SUCLG2: variants seen among roughly 807,000 people sequenced by gnomAD.
The protein encoded by SUCLG2 is succinate-CoA ligase GDP-forming subunit beta, also known as succinate--CoA ligase [GDP-forming] subunit beta, mitochondrial.
A neutral mutation model predicts 47.9 loss-of-function variants in SUCLG2; 42 were observed. The observed-to-expected ratio is 0.88, with a 90% CI of 0.69 to 1.14. The LOEUF is 1.14. Among genes scored for constraint, SUCLG2 ranks in the 50% most tolerant of loss-of-function variants. The pLI is 0.00. For synonymous variants in SUCLG2, 195 were observed against 197.3 expected, an observed-to-expected ratio of 0.99 and a Z score of 0.10; for missense variants, 571 against 525.9, an observed-to-expected ratio of 1.09 and a Z score of -0.84.
intron 2 of SUCLG2, among the ~76,000 whole-genome samples, chr3:67,539,351 T>C (rs148369046): frequency 1.5e-3 from 233 of 152,328 alleles, no homozygotes; most frequent in African/African-American, 5.3e-3. Flanking sequence ...GTTTATGTGA[T>C]GGATTATGTT....
At chr3:67,511,423 G>A (rs1216590336) in intron 6 of SUCLG2, among the ~76,000 whole-genome samples, 3 of 152,114 alleles carry the variant, frequency 2.0e-5, no homozygotes, top group African/African-American at 7.2e-5. Flanking sequence ...ACTGAATCAT[G>A]GGGACGGGAT....
chr3:67,371,959 T>C (rs529569024), downstream of SUCLG2, among the ~76,000 whole-genome samples: 1 of 152,260 alleles, frequency 6.6e-6, no homozygotes, highest in African/African-American at 2.4e-5. Flanking sequence ...ATAGCACAGG[T>C]AAAGTTCCTG....
chr3:67,427,351 A>G (rs572690640), intron 9 of SUCLG2, among the ~76,000 whole-genome samples: 1 of 152,336 alleles, frequency 6.6e-6, no homozygotes, highest in South Asian at 2.1e-4. Context: ...TTTATTGTTC[A>G]TAGACACAAA....
chr3:67,382,695 A>G (rs1482881353), intron 10 of SUCLG2, among the ~76,000 whole-genome samples: 2 of 152,230 alleles, frequency 1.3e-5, no homozygotes, highest in Non-Finnish European at 1.5e-5. Context: ...AACATAGCCA[A>G]ACTGATTTGC....
At chr3:67,422,132 C>T (rs1703173309) in intron 9 of SUCLG2, among the ~76,000 whole-genome samples, 1 of 151,956 alleles carries the variant, frequency 6.6e-6, no homozygotes, top group African/African-American at 2.4e-5. Flanking sequence ...TTTTCTTTCA[C>T]CCTAAATAGC....
At chr3:67,441,133 A>C (rs558322823) in intron 9 of SUCLG2, among the ~76,000 whole-genome samples, 3 of 152,188 alleles carry the variant, frequency 2.0e-5, no homozygotes, top group Non-Finnish European at 4.4e-5. Context: ...GGAACAGAAA[A>C]CTAAACACTG....
At chr3:67,498,689 A>C (rs1011029434) in intron 7 of SUCLG2, among the ~76,000 whole-genome samples, 1 of 152,166 alleles carries the variant, frequency 6.6e-6, no homozygotes, top group African/African-American at 2.4e-5. Context: ...GAGACTAGAC[A>C]ATATTATTAA....
intron 1 of SUCLG2, among the ~76,000 whole-genome samples, chr3:67,615,674 G>A (rs1700615540): frequency 6.7e-6 from 1 of 148,472 alleles, no homozygotes; most frequent in African/African-American, 2.5e-5. Context: ...TATTGTTGTT[G>A]AAGGTCAGGT....
chr3:67,648,287 C>A (rs1455389339), intron 1 of SUCLG2, among the ~76,000 whole-genome samples: 3 of 152,124 alleles, frequency 2.0e-5, no homozygotes, highest in African/African-American at 7.2e-5. Flanking sequence ...GTTGACAAGA[C>A]CCTGAAGCCA....
At chr3:67,406,974 T>G (rs1033977433) in intron 9 of SUCLG2, among the ~76,000 whole-genome samples, 1 of 152,116 alleles carries the variant, frequency 6.6e-6, no homozygotes, top group Admixed American at 6.5e-5. Context: ...CAGTTAGGAA[T>G]AGCTGGATAA....
At chr3:67,402,793 C>T (rs954228699) in intron 9 of SUCLG2, among the ~76,000 whole-genome samples, 5 of 152,204 alleles carry the variant, frequency 3.3e-5, no homozygotes, top group East Asian at 1.9e-4. Context: ...AGGACAAGTT[C>T]GGATGTCAAC....
At chr3:67,478,240 T>C (rs1349857203) in intron 9 of SUCLG2, among the ~76,000 whole-genome samples, 1 of 152,210 alleles carries the variant, frequency 6.6e-6, no homozygotes, top group Non-Finnish European at 1.5e-5. Context: ...ACGGCCACAA[T>C]TTTATGGAAT....
At chr3:67,460,111 GA>G (rs906967287) in intron 9 of SUCLG2, among the ~76,000 whole-genome samples, 17 of 151,282 alleles carry the variant, frequency 1.1e-4, no homozygotes, top group East Asian at 3.9e-4. Flanking sequence ...TATTAAGGAA[GA>G]AAAAAAAATT....
intron 6 of SUCLG2, among the ~76,000 whole-genome samples, chr3:67,513,061 C>CAT (rs1282780168): frequency 1.3e-5 from 2 of 150,410 alleles, no homozygotes; most frequent in African/African-American, 5.0e-5. Flanking sequence ...AAAAGATATG[C>CAT]ATATATATAC....
intron 10 of SUCLG2, among the ~76,000 whole-genome samples, chr3:67,380,398 T>C (rs1702130209): frequency 6.6e-6 from 1 of 152,018 alleles, no homozygotes; most frequent in Non-Finnish European, 1.5e-5. Context: ...CGGAGCAGTT[T>C]CCCAGAAAAC....
intron 1 of SUCLG2, among the ~76,000 whole-genome samples, chr3:67,622,027 C>G (rs1188449136): frequency 1.3e-5 from 2 of 152,148 alleles, no homozygotes; most frequent in Non-Finnish European, 2.9e-5. Context: ...GTACCTCTAT[C>G]TGCTACAGTG....
chr3:67,569,760 T>C (rs753356867), intron 2 of SUCLG2, among the ~76,000 whole-genome samples: 1 of 152,212 alleles, frequency 6.6e-6, no homozygotes, highest in Non-Finnish European at 1.5e-5. Context: ...GTCTCATCCA[T>C]GGCTGATTTA....
downstream of SUCLG2, chr3:67,374,584 G>C (rs764250703): frequency 2.5e-5 from 5 of 197,052 alleles, no homozygotes; most frequent in Non-Finnish European, 4.6e-5. Context: ...AAGTTGAGTG[G>C]AACTGGAATA....
chr3:67,370,559 G>A (rs7620956), downstream of SUCLG2, among the ~76,000 whole-genome samples: 100,392 of 151,878 alleles, frequency 0.66, 33,312 homozygotes, highest in Middle Eastern at 0.83. Context: ...GGGCATCCAA[G>A]ACTCCCGAGT....
Sources: allele counts gnomAD v4.1 joint callset (sites outside exome capture counted in the v4.1 genomes callset), GRCh38; gene constraint gnomAD v4.1.1; transcripts MANE v1.5; gene names NCBI Gene and HGNC (gene_info 2026-07-23, HGNC 2026-07-21).